The following ASXL1 variants were observed in gnomAD, a reference collection of about 807,000 sequenced individuals.
The protein encoded by ASXL1 is polycomb group protein ASXL1.
ASXL1 carries 65 observed loss-of-function variants against 89.1 expected under a neutral mutation model. The observed-to-expected ratio is 0.73, with a 90% CI of 0.60 to 0.90. ASXL1 has a LOEUF of 0.90. Among genes scored for constraint, ASXL1 ranks in the 40% least tolerant of loss-of-function variants. The pLI is 0.00. For missense variants in ASXL1, 1,786 were observed against 1,942.9 expected, an observed-to-expected ratio of 0.92 and a Z score of 1.52; for synonymous variants, 739 against 746.9, an observed-to-expected ratio of 0.99 and a Z score of 0.17.
chr20:32,419,687 T>C (rs1025354874), intron 4 of ASXL1, among the ~76,000 whole-genome samples: 1 of 150,898 alleles, frequency 6.6e-6, no homozygotes, highest in Non-Finnish European at 1.5e-5. Context: ...TATTTTCTTT[T>C]TTTTTTTTTT....
intron 4 of ASXL1, among the ~76,000 whole-genome samples, chr20:32,378,809 CA>C (rs542915250): frequency 9.0e-5 from 13 of 143,934 alleles, no homozygotes; most frequent in Non-Finnish European, 1.1e-4. Flanking sequence ...TACCCTGTCT[CA>C]AAAAAAAAAC....
chr20:32,409,593 G>A (rs2123098819), intron 4 of ASXL1, among the ~76,000 whole-genome samples: 1 of 152,136 alleles, frequency 6.6e-6, no homozygotes, highest in African/African-American at 2.4e-5. Flanking sequence ...CATACTTTGA[G>A]CTGGGCTTGG....
intron 4 of ASXL1, among the ~76,000 whole-genome samples, chr20:32,391,055 T>C (rs73243261): frequency 0.022 from 3,219 of 145,706 alleles, 111 homozygotes; most frequent in African/African-American, 0.079. Context: ...GTTCAGCTAA[T>C]TTTTTTTTTT....
chr20:32,422,767 A>G (rs892042697), intron 4 of ASXL1, among the ~76,000 whole-genome samples: 21 of 151,086 alleles, frequency 1.4e-4, no homozygotes, highest in Non-Finnish European at 2.5e-4. Flanking sequence ...TTGTATTTTT[A>G]GTAGAGACGG....
chr20:32,417,565 T>C (rs1050861897), intron 4 of ASXL1, among the ~76,000 whole-genome samples: 6 of 152,192 alleles, frequency 3.9e-5, no homozygotes, highest in Non-Finnish European at 5.9e-5. Context: ...TTCTCAAGCA[T>C]GTATGGAGAT....
Position 32,436,368 on chromosome 20 carries a change from C to T in ASXL1, c.3656C>T (p.Pro1219Leu). ...SFDSLHPVTN[P>L]ITSSRKLEEM... Reference sequence around the variant, plus strand: ...GACTCCCTCCATCCAGTGACAAATCCCATTACATCCTCTAGGAAACTGGAA... The same window carrying T: ...GACTCCCTCCATCCAGTGACAAATCTCATTACATCCTCTAGGAAACTGGAA... Residue 1219 changes from proline (P) to leucine (L), a missense_variant, in exon 13 of 13, where the codon CCC becomes CTC. Physicochemically the swap from Pro to Leu is moderately conservative, Grantham distance 98. Around this residue, in one of 3 missense-constraint regions of ASXL1, gnomAD observed 1,418 missense variants for 1,427.8 expected, o/e 0.99. Coordinates refer to ENST00000375687, the MANE Select transcript of ASXL1 (RefSeq NM_015338.6). 2.5e-6 allele frequency: 4 copies of T among 1,613,684 alleles called. No individual in the cohort carries two copies. Among genetic ancestry groups the T allele is most frequent in the Non-Finnish European group, 3.4e-6 (4 of 1,180,018 alleles).
chr20:32,403,359 T>G (rs1040954362), intron 4 of ASXL1, among the ~76,000 whole-genome samples: 4 of 152,222 alleles, frequency 2.6e-5, no homozygotes, highest in African/African-American at 9.6e-5. Flanking sequence ...TCGTTTTTCT[T>G]TTTCAGAGTT....
chr20:32,389,060 A>G (rs2048626595), intron 4 of ASXL1, among the ~76,000 whole-genome samples: 1 of 151,906 alleles, frequency 6.6e-6, no homozygotes, highest in African/African-American at 2.4e-5. Context: ...GGAGCCTCTG[A>G]GCATTTTCCT....
At chr20:32,370,931 G>A (rs2048290634) in intron 4 of ASXL1, among the ~76,000 whole-genome samples, 1 of 137,712 alleles carries the variant, frequency 7.3e-6, no homozygotes, top group Non-Finnish European at 1.5e-5. Flanking sequence ...CGGGAGGATT[G>A]CTTAAACTCA....
In ASXL1 at chr20:32,437,191, C is replaced by T. The variant is rs371736545; in HGVS notation, c.4479C>T (p.Phe1493=). The T allele has an allele frequency of 6.2e-7, 1 of 1,613,568 alleles. No homozygotes were observed. The highest frequency in any genetic ancestry group is 1.3e-5 in the African/African-American group (1 of 74,910). ...GTGCATCACTTTCCTTGCAAATGTT[C>T]ACTGACAGCAGCACGGTGGAAAGCA... ...SHSASLSLQM[F]TDSSTVESIS... Residue 1493 remains phenylalanine (F), a synonymous_variant, in exon 13 of 13, where the codon TTC becomes TTT. Transcript: ENST00000375687.
In ASXL1 at chr20:32,429,567, T is replaced by G; in HGVS notation, c.565+136T>G. 1.1e-6 allele frequency: 1 copy of G among 935,940 alleles called. No homozygotes were observed. Among genetic ancestry groups the G allele is most frequent in the Non-Finnish European group, 1.7e-6 (1 of 589,164 alleles). The allele number at this position is 935,940 out of a possible 1,614,324, so 58.0% of individuals were successfully genotyped here. ...CACAGGCAAGAGCCCTGCCAATGGA[T>G]GAGGCCTGCCATAGGTTCTAGTGCT... On this transcript the variant is annotated intron_variant, in intron 7 of 12. Coordinates refer to ENST00000375687, the MANE Select transcript of ASXL1 (RefSeq NM_015338.6). This position sits in a 1 kb window ranked among gnomAD's most constrained non-coding sequence, Gnocchi z 4.9.
intron 4 of ASXL1, among the ~76,000 whole-genome samples, chr20:32,419,829 G>T (rs1027353116): frequency 6.6e-6 from 1 of 151,740 alleles, no homozygotes; most frequent in African/African-American, 2.4e-5. Context: ...ACAGGCGTGC[G>T]CTACCACGCC....
chr20:32,379,842 A>G (rs6087891), intron 4 of ASXL1, among the ~76,000 whole-genome samples: 3 of 6,694 alleles, frequency 4.5e-4, no homozygotes, highest in Non-Finnish European at 1.5e-3. Flanking sequence ...AGAAAAAAAT[A>G]AAAAAGATGT....
rs760817964 is a variant in ASXL1, at chr20:32,436,866, G to A, written c.4154G>A (p.Arg1385Lys). The change falls in exon 13 of 13, where the codon AGG becomes AAG. Residue 1385 changes from arginine to lysine, a missense_variant. By Grantham distance (26) the Arg-to-Lys change is conservative. Coordinates refer to ENST00000375687, the MANE Select transcript of ASXL1 (RefSeq NM_015338.6). ...CCTCTTAAGGCAAATGCCGAGAACA[G>A]GAAAGCTACTGGGCATAGTCCCCTG... is the stretch of plus-strand genomic sequence containing the variant. ...GGPLKANAEN[R>K]KATGHSPLEL... The A allele has an allele frequency of 3.7e-6, 6 of 1,614,240 alleles. No homozygotes were observed. In the South Asian group the frequency reaches 5.5e-5, roughly 15 times the overall value.
chr20:32,369,311 A>G (rs912614421), intron 4 of ASXL1, among the ~76,000 whole-genome samples, 188 bp downstream of exon 4: 6 of 152,044 alleles, frequency 3.9e-5, no homozygotes, highest in Non-Finnish European at 8.8e-5. Flanking sequence ...CAATGGGGCG[A>G]GATCTCGGCT....
intron 4 of ASXL1, among the ~76,000 whole-genome samples, chr20:32,401,586 A>C: frequency 8.4e-6 from 1 of 119,146 alleles, no homozygotes; most frequent in African/African-American, 3.4e-5. Context: ...ACGGAGTCTC[A>C]CTCTCGTCAC....
At chr20:32,387,213 C>T (rs111711244) in intron 4 of ASXL1, among the ~76,000 whole-genome samples, 3 of 152,004 alleles carry the variant, frequency 2.0e-5, no homozygotes, top group Non-Finnish European at 2.9e-5. Flanking sequence ...GGCTGAGGTA[C>T]GAGAATCACT....
chr20:32,431,120 C>A, intron 8 of ASXL1: 1 of 725,378 alleles, frequency 1.4e-6, no homozygotes, highest in Non-Finnish European at 2.4e-6. Context: ...GGAGATGCAA[C>A]CCCAAGTGTT....
At chr20:32,361,221 C>T (rs2048104956) in intron 1 of ASXL1, among the ~76,000 whole-genome samples, 1 of 152,204 alleles carries the variant, frequency 6.6e-6, no homozygotes, top group Non-Finnish European at 1.5e-5. Flanking sequence ...GTGGTACACA[C>T]CTGTGGTCCT....
Sources: allele counts gnomAD v4.1 joint callset (sites outside exome capture counted in the v4.1 genomes callset), GRCh38; gene constraint gnomAD v4.1.1; regional missense constraint gnomAD v4.1.1; non-coding constraint Gnocchi (gnomAD v3.1); transcripts MANE v1.5; gene names NCBI Gene and HGNC (gene_info 2026-07-23, HGNC 2026-07-21).